SIPA1L1: variants seen among roughly 807,000 people sequenced by gnomAD.
SIPA1L1 encodes the protein signal-induced proliferation-associated 1-like protein 1.
In SIPA1L1, 26 loss-of-function variants were observed where a neutral mutation model predicts 162.7. The ratio of observed to expected loss-of-function variants is 0.16; its 90% confidence interval spans 0.12 to 0.22. The LOEUF (loss-of-function observed/expected upper bound fraction) is 0.22, where lower values mean the gene tolerates loss of function less well. Ranked by LOEUF, SIPA1L1 falls within the 10% of genes least tolerant of loss-of-function variation. The pLI is 1.00. For missense variants in SIPA1L1, 1,874 were observed against 2,241.0 expected (o/e 0.84, Z 3.31); for synonymous variants, 829 against 837.4 (o/e 0.99, Z 0.17).
At chr14:71,363,920 GTTC>G (rs111979410) in intron 2 of SIPA1L1, among the ~76,000 whole-genome samples, 2,674 of 152,176 alleles carry the variant, frequency 0.018, 36 homozygotes, top group African/African-American at 0.026. Flanking sequence ...CCCTCCATCA[GTTC>G]TTCTTTCCTG....
chr14:71,674,888 G>T (rs75157318), intron 12 of SIPA1L1, among the ~76,000 whole-genome samples: 1 of 151,988 alleles, frequency 6.6e-6, no homozygotes, highest in South Asian at 2.1e-4. Context: ...AAAGAAACCG[G>T]GACTCAAAGG....
At chr14:71,392,191 C>T (rs954980328) in intron 2 of SIPA1L1, among the ~76,000 whole-genome samples, 2 of 152,190 alleles carry the variant, frequency 1.3e-5, no homozygotes, top group Admixed American at 1.3e-4. Context: ...GTCTCCGGTG[C>T]AGGCAGATGC....
chr14:71,731,183 T>G (rs1271764535), intron 20 of SIPA1L1, among the ~76,000 whole-genome samples: 2 of 152,204 alleles, frequency 1.3e-5, no homozygotes, highest in African/African-American at 4.8e-5. Flanking sequence ...AGTAATTTCT[T>G]TACATCTCTT....
chr14:71,368,075 A>G (rs1381195957), intron 2 of SIPA1L1, among the ~76,000 whole-genome samples: 1 of 149,100 alleles, frequency 6.7e-6, no homozygotes, highest in Non-Finnish European at 1.5e-5. Context: ...TAGAAAATAT[A>G]CTAGACCTTT....
chr14:71,701,980 A>G (rs1023987476), intron 14 of SIPA1L1, among the ~76,000 whole-genome samples: 1 of 152,234 alleles, frequency 6.6e-6, no homozygotes, highest in African/African-American at 2.4e-5. Context: ...CCTCCACAGT[A>G]TACCATTTGG....
At chr14:71,336,651 T>C (rs142283858) in intron 2 of SIPA1L1, among the ~76,000 whole-genome samples, 2 of 152,306 alleles carry the variant, frequency 1.3e-5, no homozygotes, top group Admixed American at 1.3e-4. Flanking sequence ...AGTTACTAAG[T>C]GTGTTTGTAG....
chr14:71,385,372 A>G lies in SIPA1L1; in HGVS notation c.-465+64191A>G, dbSNP rs111636619. The stretch of plus-strand genomic sequence containing the variant: ...CCTCCATCCCAGAGTCTTCTCTGCA[A>G]CAGTTGCTGGTTTTTAGTTTTTGCT... On this transcript the variant is annotated intron_variant, in intron 2 of 23. Transcript: ENST00000381232. Among the ~76,000 whole-genome samples, 536 of 152,266 alleles carry G rather than the reference A, an allele frequency of 3.5e-3. 6 individuals are homozygous for G. The highest frequency in any genetic ancestry group is 0.012 in the African/African-American group (506 of 41,560).
intron 8 of SIPA1L1, among the ~76,000 whole-genome samples, chr14:71,653,511 G>C (rs1375768116): frequency 1.3e-5 from 2 of 152,140 alleles, no homozygotes; most frequent in Non-Finnish European, 2.9e-5. Context: ...ACTCGAGTCT[G>C]TCTTGGCTTC....
At chr14:71,414,104 C>T (rs541456169) in intron 2 of SIPA1L1, 3 of 151,938 alleles carry the variant, frequency 2.0e-5, no homozygotes, top group Non-Finnish European at 2.9e-5. Context: ...TTTGGCCAGG[C>T]GCTGTGGCTC....
chr14:71,671,717 A>C, intron 11 of SIPA1L1, 25 bp downstream of exon 11: 2 of 1,522,858 alleles, frequency 1.3e-6, no homozygotes, highest in Non-Finnish European at 1.8e-6. Context: ...CCTCTTCCTT[A>C]CATGCAGTTT....
chr14:71,511,272 C>T (rs779061962), intron 2 of SIPA1L1, among the ~76,000 whole-genome samples: 37 of 151,934 alleles, frequency 2.4e-4, no homozygotes, highest in Admixed American at 2.0e-4. Flanking sequence ...ATGACAGGAG[C>T]ATTTTCAGCC....
At chr14:71,638,220 A>ATG (rs2041359327) in intron 7 of SIPA1L1, among the ~76,000 whole-genome samples, 1 of 152,166 alleles carries the variant, frequency 6.6e-6, no homozygotes, top group African/African-American at 2.4e-5. Flanking sequence ...CCCTAATACC[A>ATG]AAGCCAGACA....
intron 3 of SIPA1L1, among the ~76,000 whole-genome samples, chr14:71,528,413 G>A (rs1038988619): frequency 1.3e-5 from 2 of 152,116 alleles, no homozygotes; most frequent in Non-Finnish European, 2.9e-5. Context: ...CCAGCACTTT[G>A]GGAGGCCGAG....
chr14:71,439,015 A>G (rs2044628447), intron 2 of SIPA1L1, among the ~76,000 whole-genome samples: 1 of 151,588 alleles, frequency 6.6e-6, no homozygotes, highest in Non-Finnish European at 1.5e-5. Flanking sequence ...TTTTGATTTG[A>G]TTTAACTAAT....
intron 6 of SIPA1L1, among the ~76,000 whole-genome samples, chr14:71,620,611 A>G (rs866519773): frequency 1.3e-5 from 2 of 152,062 alleles, no homozygotes; most frequent in Non-Finnish European, 2.9e-5. Flanking sequence ...ACTGGTTTCC[A>G]TGAGCTTCCC....
intron 2 of SIPA1L1, among the ~76,000 whole-genome samples, chr14:71,462,028 G>A (rs541771848): frequency 1.3e-5 from 2 of 152,174 alleles, no homozygotes; most frequent in Non-Finnish European, 2.9e-5. Context: ...GCGCAATCAC[G>A]TATATACCAC....
At chr14:71,518,911 G>A (rs1324292230) in intron 3 of SIPA1L1, among the ~76,000 whole-genome samples, 4 of 152,236 alleles carry the variant, frequency 2.6e-5, no homozygotes, top group South Asian at 2.1e-4. Context: ...CTTACATGGC[G>A]GCGGCAAGAG....
chr14:71,694,330 T>C (rs939992557), intron 13 of SIPA1L1, among the ~76,000 whole-genome samples: 2 of 152,158 alleles, frequency 1.3e-5, no homozygotes, highest in Admixed American at 6.6e-5. Flanking sequence ...CATCTCTTCC[T>C]AAATGTCCAA....
chr14:71,548,222 G>A (rs1035577437), intron 4 of SIPA1L1, among the ~76,000 whole-genome samples: 2 of 152,126 alleles, frequency 1.3e-5, no homozygotes, highest in African/African-American at 2.4e-5. Flanking sequence ...GTGCTACTTA[G>A]TATCCATTAA....
Sources: gnomAD v4.1 joint callset for allele counts (sites outside exome capture counted in the v4.1 genomes callset) on GRCh38, gnomAD v4.1.1 for gene constraint, MANE v1.5 for transcripts, NCBI Gene and HGNC (gene_info 2026-07-23, HGNC 2026-07-21) for gene names.